The following PRR16 variants were observed in gnomAD, a reference collection of about 807,000 sequenced individuals.
PRR16 encodes the protein protein Largen.
A neutral mutation model predicts 18.2 loss-of-function variants in PRR16; 6 were observed. The observed-to-expected ratio is 0.33, with a 90% CI of 0.18 to 0.65. The LOEUF is 0.65. PRR16 is among the 30% of genes least tolerant of loss of function. The probability of loss-of-function intolerance (pLI) is 0.74; values close to 1 mark genes in which losing one functional copy is unlikely to be tolerated. For synonymous variants in PRR16, 151 were observed against 147.8 expected (o/e 1.02, Z -0.16); for missense variants, 412 against 376.6 (o/e 1.09, Z -0.78).
chr5:120,739,663 T>C, the PRR16 span, among the ~76,000 whole-genome samples: 1 of 152,192 alleles, frequency 6.6e-6, no homozygotes, highest in South Asian at 2.1e-4. Flanking sequence ...AGCACCACTC[T>C]CTAAGACTTT....
chr5:120,765,434 T>C, the PRR16 span, among the ~76,000 whole-genome samples: 1 of 152,048 alleles, frequency 6.6e-6, no homozygotes, highest in East Asian at 1.9e-4. Flanking sequence ...GCAGATTGCA[T>C]CACATAAACT....
intron 1 of PRR16, among the ~76,000 whole-genome samples, chr5:120,644,402 A>C (rs1228941973): frequency 7.3e-6 from 1 of 136,624 alleles, no homozygotes; most frequent in African/African-American, 2.8e-5. Context: ...TCAAACATTG[A>C]TATTATAACA....
chr5:120,741,864 G>A, the PRR16 span, among the ~76,000 whole-genome samples: 4 of 152,060 alleles, frequency 2.6e-5, no homozygotes, highest in African/African-American at 4.8e-5. Context: ...GCCTCCCAAC[G>A]TGCTGGGATT....
chr5:120,565,985 T>C (rs1482400875), intron 1 of PRR16, among the ~76,000 whole-genome samples: 1 of 152,254 alleles, frequency 6.6e-6, no homozygotes, highest in Admixed American at 6.5e-5. Flanking sequence ...TATATAACTA[T>C]GGCATGGTTG....
chr5:120,671,484 A>T (rs1756602082), intron 1 of PRR16, among the ~76,000 whole-genome samples: 2 of 152,158 alleles, frequency 1.3e-5, no homozygotes, highest in African/African-American at 2.4e-5. Flanking sequence ...TTCTACAGTG[A>T]AAATATATGC....
intron 1 of PRR16, among the ~76,000 whole-genome samples, chr5:120,516,423 C>CAAAAAA (rs531146634): frequency 1.9e-5 from 1 of 52,622 alleles, no homozygotes; most frequent in Non-Finnish European, 4.3e-5. Context: ...GATTATGTCT[C>CAAAAAA]AAAAAAAAAA....
At chr5:120,582,359 A>G (rs957965133) in intron 1 of PRR16, among the ~76,000 whole-genome samples, 6 of 152,202 alleles carry the variant, frequency 3.9e-5, no homozygotes, top group African/African-American at 1.4e-4. Flanking sequence ...ATAATGTTCA[A>G]TATTTGGGTG....
At chr5:120,522,769 CTATTT>C (rs1208327474) in intron 1 of PRR16, among the ~76,000 whole-genome samples, 1 of 143,702 alleles carries the variant, frequency 7.0e-6, no homozygotes, top group Non-Finnish European at 1.5e-5. Context: ...CCATGCGTGG[CTATTT>C]TATTTTATTT....
chr5:120,489,441 T>G (rs1049865365), intron 1 of PRR16, among the ~76,000 whole-genome samples: 3 of 152,204 alleles, frequency 2.0e-5, no homozygotes, highest in Non-Finnish European at 2.9e-5. Context: ...TTTGTTGGTT[T>G]AAAGTCTGTT....
chr5:120,793,939 G>C, the PRR16 span, among the ~76,000 whole-genome samples: 1 of 151,994 alleles, frequency 6.6e-6, no homozygotes, highest in Admixed American at 6.6e-5. Flanking sequence ...CCTAAACATA[G>C]AAAAGATACA....
chr5:120,643,678 G>C (rs1755496896), intron 1 of PRR16, among the ~76,000 whole-genome samples: 1 of 152,022 alleles, frequency 6.6e-6, no homozygotes, highest in Non-Finnish European at 1.5e-5. Context: ...AGTAAACCTG[G>C]ATGAACTAGA....
chr5:120,475,039 C>T (rs191644720), intron 1 of PRR16, among the ~76,000 whole-genome samples: 2 of 151,160 alleles, frequency 1.3e-5, no homozygotes, highest in Non-Finnish European at 2.9e-5. Context: ...ATGATGATGA[C>T]GATGATGATG....
the PRR16 span, among the ~76,000 whole-genome samples, chr5:120,770,752 T>C: frequency 6.6e-6 from 1 of 152,018 alleles, no homozygotes; most frequent in African/African-American, 2.4e-5. Context: ...TCATAACTTT[T>C]ATCGCACACA....
intron 1 of PRR16, among the ~76,000 whole-genome samples, chr5:120,556,899 G>A (rs1752430414): frequency 6.6e-6 from 1 of 150,562 alleles, no homozygotes; most frequent in African/African-American, 2.4e-5. Context: ...TTTCAGCTCT[G>A]AATTATCTGA....
chr5:120,650,713 A>T (rs1755753276), intron 1 of PRR16, among the ~76,000 whole-genome samples: 1 of 152,074 alleles, frequency 6.6e-6, no homozygotes, highest in South Asian at 2.1e-4. Context: ...ACGTTTTCTT[A>T]ATCCAGTCTA....
At chr5:120,654,110 C>G (rs746196654) in intron 1 of PRR16, among the ~76,000 whole-genome samples, 1 of 152,038 alleles carries the variant, frequency 6.6e-6, no homozygotes, top group Non-Finnish European at 1.5e-5. Flanking sequence ...GTGATGTGAA[C>G]AACTTTCAGG....
chr5:120,515,037 T>G (rs917463316), intron 1 of PRR16, among the ~76,000 whole-genome samples: 1 of 152,204 alleles, frequency 6.6e-6, no homozygotes, highest in African/African-American at 2.4e-5. Flanking sequence ...TACCTGGGAC[T>G]TGATAATTTA....
At chr5:120,497,653 T>C (rs1306956400) in intron 1 of PRR16, among the ~76,000 whole-genome samples, 1 of 151,954 alleles carries the variant, frequency 6.6e-6, no homozygotes, top group Non-Finnish European at 1.5e-5. Context: ...CTTCCCAAAG[T>C]CCTGGGATTA....
At chr5:120,746,494 A>G in the PRR16 span, among the ~76,000 whole-genome samples, 1 of 152,204 alleles carries the variant, frequency 6.6e-6, no homozygotes, top group Non-Finnish European at 1.5e-5. Flanking sequence ...AACTAAAACT[A>G]CATCCTTCCC....
Sources: allele counts gnomAD v4.1 joint callset (sites outside exome capture counted in the v4.1 genomes callset), GRCh38; gene constraint gnomAD v4.1.1; transcripts MANE v1.5; gene names NCBI Gene and HGNC (gene_info 2026-07-23, HGNC 2026-07-21).